Variants in EXT1 observed in about 807,000 individuals in gnomAD.
The protein encoded by EXT1 is exostosin-1.
EXT1 carries 20 observed loss-of-function variants against 82.5 expected under a neutral mutation model. The ratio of observed to expected loss-of-function variants is 0.24; its 90% CI spans 0.17 to 0.35. The LOEUF is 0.35. Ranked by LOEUF, EXT1 falls within the 10% of genes least tolerant of loss-of-function variation. EXT1 has a pLI of 1.00. For synonymous variants in EXT1, 348 were observed against 350.8 expected (o/e 0.99, Z 0.09); for missense variants, 757 against 936.5 (o/e 0.81, Z 2.50).
intron 1 of EXT1, among the ~76,000 whole-genome samples, chr8:118,072,314 G>T (rs894300926): frequency 6.6e-6 from 1 of 152,148 alleles, no homozygotes; most frequent in Non-Finnish European, 1.5e-5. Context: ...AGTACATATG[G>T]ATGTATGAAA....
At chr8:117,880,480 T>C (rs1813039957) in intron 1 of EXT1, among the ~76,000 whole-genome samples, 1 of 152,212 alleles carries the variant, frequency 6.6e-6, no homozygotes, top group African/African-American at 2.4e-5. Context: ...AAGCTAAAGA[T>C]GATTTTGTTT....
chr8:118,111,540 G>A lies in EXT1; in HGVS notation c.-494C>T. ...CGGTTCCAACAAGTCAGCCGATCCCGGGTTCAGCCGGCTAGTGCATCTTGC... is the reference window on the plus strand; with the variant it reads ...CGGTTCCAACAAGTCAGCCGATCCCAGGTTCAGCCGGCTAGTGCATCTTGC... On this transcript the variant is annotated 5_prime_UTR_variant, in exon 1 of 11. Coordinates refer to ENST00000378204, the MANE Select transcript of EXT1 (RefSeq NM_000127.3). 1 of 444,498 alleles carries A rather than the reference G, an allele frequency of 2.2e-6. No homozygotes were observed. The highest frequency in any genetic ancestry group is 3.8e-5 in the Admixed American group (1 of 26,226). The allele number at this position is 444,498 out of a possible 1,614,324, so 27.5% of individuals were successfully genotyped here.
intron 1 of EXT1, among the ~76,000 whole-genome samples, chr8:118,007,141 C>CA (rs1358814428): frequency 3.9e-5 from 6 of 151,964 alleles, no homozygotes; most frequent in African/African-American, 1.5e-4. Flanking sequence ...ACTAAAAATA[C>CA]AAAAAATTAG....
intron 1 of EXT1, among the ~76,000 whole-genome samples, chr8:118,025,315 C>A (rs1816183204): frequency 6.6e-6 from 1 of 152,198 alleles, no homozygotes; most frequent in African/African-American, 2.4e-5. Flanking sequence ...CAGGAGCAGA[C>A]TTCTAAGTTT....
chr8:117,828,768 C>A (rs776477312), intron 4 of EXT1, among the ~76,000 whole-genome samples: 7 of 152,124 alleles, frequency 4.6e-5, no homozygotes, highest in Non-Finnish European at 1.0e-4. Flanking sequence ...GGGAATGGGC[C>A]TGGGTCTTAA....
intron 1 of EXT1, among the ~76,000 whole-genome samples, chr8:118,102,814 C>G (rs1240522609): frequency 6.6e-6 from 1 of 152,090 alleles, no homozygotes; most frequent in Non-Finnish European, 1.5e-5. Flanking sequence ...CAATCTTCCA[C>G]AGAGGCTATG....
intron 1 of EXT1, among the ~76,000 whole-genome samples, chr8:117,922,876 A>G (rs1813883028): frequency 6.6e-6 from 1 of 152,194 alleles, no homozygotes; most frequent in African/African-American, 2.4e-5. Flanking sequence ...TTCTGCAAAG[A>G]GCCCACACTG....
At chr8:117,858,853 G>A (rs1158299820) in intron 1 of EXT1, among the ~76,000 whole-genome samples, 1 of 52,748 alleles carries the variant, frequency 1.9e-5, no homozygotes, top group African/African-American at 6.6e-5. Flanking sequence ...AGGAAAGAAA[G>A]AAAGAAAGAA....
intron 7 of EXT1, among the ~76,000 whole-genome samples, chr8:117,815,227 A>G (rs1280407190): frequency 6.6e-6 from 1 of 152,188 alleles, no homozygotes; most frequent in Admixed American, 6.5e-5. Context: ...CCCACAGGGG[A>G]AAACTGCAAA....
At chr8:117,952,018 G>A (rs1324721823) in intron 1 of EXT1, among the ~76,000 whole-genome samples, 1 of 152,170 alleles carries the variant, frequency 6.6e-6, no homozygotes, top group Non-Finnish European at 1.5e-5. Flanking sequence ...CTATTTTGCT[G>A]ACCCTGGTTT....
chr8:117,832,971 A>G (rs1812126293), intron 3 of EXT1, among the ~76,000 whole-genome samples: 1 of 152,244 alleles, frequency 6.6e-6, no homozygotes, highest in South Asian at 2.1e-4. Flanking sequence ...GCACCAGAAT[A>G]GATACAAGAA....
chr8:117,890,923 T>G (rs1277326238), intron 1 of EXT1, among the ~76,000 whole-genome samples: 1 of 152,212 alleles, frequency 6.6e-6, no homozygotes, highest in Non-Finnish European at 1.5e-5. Context: ...AATTATTTTC[T>G]CCTCTTTTAC....
rs140558204 is a variant in EXT1, at chr8:117,871,685, T to C, written c.963-34484A>G. 2.8e-3 allele frequency among the ~76,000 whole-genome samples: 428 copies of C among 152,152 alleles called. 2 individuals are homozygous for C. The highest frequency in any genetic ancestry group is 4.3e-3 in the Non-Finnish European group (292 of 67,990). On this transcript the variant is annotated intron_variant, in intron 1 of 10. Transcript: ENST00000378204. ...AATGAGTTACCATGGTCAGGTTAGGTTGTGTGTGCTTCAGTAAGGTACTGC... is the reference window on the plus strand; with the variant it reads ...AATGAGTTACCATGGTCAGGTTAGGCTGTGTGTGCTTCAGTAAGGTACTGC...
intron 1 of EXT1, among the ~76,000 whole-genome samples, chr8:118,102,934 C>T (rs1211202537): frequency 9.9e-5 from 15 of 152,040 alleles, no homozygotes; most frequent in African/African-American, 2.9e-4. Context: ...GTGGGCGGAT[C>T]ACCGAAGGTC....
chr8:117,848,553 G>A (rs931136478), intron 1 of EXT1, among the ~76,000 whole-genome samples: 1 of 152,162 alleles, frequency 6.6e-6, no homozygotes, highest in African/African-American at 2.4e-5. Context: ...ATGGCCCAAA[G>A]GATGCCTTCA....
chr8:117,999,306 G>A (rs1207262109), intron 1 of EXT1, among the ~76,000 whole-genome samples: 2 of 152,054 alleles, frequency 1.3e-5, no homozygotes, highest in African/African-American at 2.4e-5. Flanking sequence ...TTTATGAGAC[G>A]CTCCACAACT....
At chr8:118,097,015 A>G (rs1266485807) in intron 1 of EXT1, among the ~76,000 whole-genome samples, 1 of 152,200 alleles carries the variant, frequency 6.6e-6, no homozygotes. Context: ...GAGGCTCTGA[A>G]GGTATAATGG....
intron 1 of EXT1, among the ~76,000 whole-genome samples, chr8:118,089,802 G>C (rs749568270): frequency 6.6e-6 from 1 of 152,198 alleles, no homozygotes; most frequent in Non-Finnish European, 1.5e-5. Context: ...CATAGGATAC[G>C]GGAGAGCCAG....
chr8:117,815,961 T>G (rs897930791), intron 7 of EXT1, among the ~76,000 whole-genome samples: 5 of 145,352 alleles, frequency 3.4e-5, no homozygotes, highest in Non-Finnish European at 7.6e-5. Context: ...TTAACAAACA[T>G]GCCTAGGAAA....
Sources: gnomAD v4.1 joint callset for allele counts (sites outside exome capture counted in the v4.1 genomes callset) on GRCh38, gnomAD v4.1.1 for gene constraint, MANE v1.5 for transcripts, NCBI Gene and HGNC (gene_info 2026-07-23, HGNC 2026-07-21) for gene names.